The following SLC25A21 variants were observed in gnomAD, a reference collection of about 807,000 sequenced individuals.
SLC25A21 encodes solute carrier family 25 member 21, also known as mitochondrial 2-oxodicarboxylate carrier.
Under a neutral mutation model 43.8 loss-of-function variants are expected in SLC25A21, and 47 were observed. The ratio of observed to expected loss-of-function variants is 1.07; its 90% confidence interval spans 0.85 to 1.37. The LOEUF (loss-of-function observed/expected upper bound fraction) is 1.37, where lower values mean the gene tolerates loss of function less well. SLC25A21 is among the 40% of genes most tolerant of loss of function. SLC25A21 has a pLI of 0.00. For missense variants in SLC25A21, 352 were observed against 350.2 expected (o/e 1.00, Z -0.04); for synonymous variants, 131 against 121.3 (o/e 1.08, Z -0.52).
At chr14:37,086,129 A>AT (rs1555346139) in intron 1 of SLC25A21, among the ~76,000 whole-genome samples, 1 of 152,036 alleles carries the variant, frequency 6.6e-6, no homozygotes, top group Non-Finnish European at 1.5e-5. Context: ...AACTTGACAA[A>AT]TTTTTATAGA....
At chr14:37,151,430 T>A (rs143198499) in intron 1 of SLC25A21, among the ~76,000 whole-genome samples, 28 of 152,354 alleles carry the variant, frequency 1.8e-4, no homozygotes, top group African/African-American at 6.3e-4. Flanking sequence ...GAGAATTTCA[T>A]ACTTAAGCTA....
chr14:36,982,066 A>G (rs1308979178), intron 1 of SLC25A21, among the ~76,000 whole-genome samples: 1 of 152,210 alleles, frequency 6.6e-6, no homozygotes, highest in Non-Finnish European at 1.5e-5. Flanking sequence ...ATATAGTCAA[A>G]TATCTGGGAA....
chr14:36,999,775 T>A (rs951085210), intron 1 of SLC25A21, among the ~76,000 whole-genome samples: 1 of 152,086 alleles, frequency 6.6e-6, no homozygotes, highest in Non-Finnish European at 1.5e-5. Flanking sequence ...CAAAGACAAC[T>A]GAAAAGTTGG....
At chr14:36,741,098 CCCT>C (rs1334791040) in intron 3 of SLC25A21, among the ~76,000 whole-genome samples, 7 of 151,932 alleles carry the variant, frequency 4.6e-5, no homozygotes, top group Non-Finnish European at 1.0e-4. Flanking sequence ...TCCTGTCTGC[CCCT>C]CCTTTTACCC....
At chr14:36,859,567 G>C (rs1413693754) in intron 2 of SLC25A21, among the ~76,000 whole-genome samples, 1 of 152,126 alleles carries the variant, frequency 6.6e-6, no homozygotes, top group Non-Finnish European at 1.5e-5. Flanking sequence ...CAATGAACAG[G>C]ACTGGGAGAG....
intron 3 of SLC25A21, among the ~76,000 whole-genome samples, chr14:36,783,324 G>GT (rs1327492461): frequency 1.3e-5 from 2 of 152,062 alleles, no homozygotes; most frequent in Non-Finnish European, 2.9e-5. Context: ...TGGTCCACAG[G>GT]TGAGGTGTAC....
intron 1 of SLC25A21, among the ~76,000 whole-genome samples, chr14:36,993,090 C>T (rs1020795236): frequency 6.6e-6 from 1 of 152,140 alleles, no homozygotes; most frequent in South Asian, 2.1e-4. Context: ...ATTGCTTTTA[C>T]GTTTTTCTGT....
intron 1 of SLC25A21, among the ~76,000 whole-genome samples, chr14:36,875,918 C>T (rs1172848365): frequency 6.6e-6 from 1 of 152,076 alleles, no homozygotes; most frequent in Non-Finnish European, 1.5e-5. Context: ...TAGTAGTCAT[C>T]ATTATGGTAT....
intron 1 of SLC25A21, among the ~76,000 whole-genome samples, chr14:37,124,922 C>T (rs1594805278): frequency 6.6e-6 from 1 of 152,314 alleles, no homozygotes; most frequent in East Asian, 1.9e-4. Flanking sequence ...CTCCCTGAGG[C>T]CTCCCCAGAA....
intron 1 of SLC25A21, among the ~76,000 whole-genome samples, chr14:37,134,614 T>C (rs2138910692): frequency 7.0e-6 from 1 of 143,664 alleles, no homozygotes; most frequent in African/African-American, 2.6e-5. Context: ...CACTGCACTC[T>C]AGCCGCCTGG....
chr14:36,894,755 G>A (rs1891187544), intron 1 of SLC25A21, among the ~76,000 whole-genome samples: 3 of 152,094 alleles, frequency 2.0e-5, no homozygotes, highest in Admixed American at 2.0e-4. Context: ...AAGAAGCATT[G>A]TTGAATTTTG....
chr14:36,909,091 T>C (rs769191556), intron 1 of SLC25A21, among the ~76,000 whole-genome samples: 4 of 151,958 alleles, frequency 2.6e-5, no homozygotes, highest in Non-Finnish European at 4.4e-5. Flanking sequence ...GAAGGATGCA[T>C]TGGAAGAATG....
chr14:36,723,821 C>T (rs977142067), intron 6 of SLC25A21, among the ~76,000 whole-genome samples: 1 of 152,172 alleles, frequency 6.6e-6, no homozygotes, highest in African/African-American at 2.4e-5. Context: ...GATGCTCTGT[C>T]CCATTTGAGT....
At position 37,012,763 on chromosome 14, in the gene SLC25A21, A is replaced by T. The variant is rs914683708; in HGVS notation, c.71-137759T>A. Among the ~76,000 whole-genome samples, 5 of 152,198 alleles carry T rather than the reference A, an allele frequency of 3.3e-5. No homozygotes were observed. In the East Asian group the frequency reaches 5.8e-4, roughly 18 times the overall value. ...ACTCAATTTTCATAATAGATCAAAC[A>T]CTTAGGACACTCAGTGTAGAACAAC... On this transcript the variant is annotated intron_variant, in intron 1 of 9. Coordinates refer to ENST00000331299, the MANE Select transcript of SLC25A21 (RefSeq NM_030631.4).
intron 1 of SLC25A21, among the ~76,000 whole-genome samples, chr14:37,078,405 A>G (rs2138834966): frequency 6.6e-6 from 1 of 152,214 alleles, no homozygotes; most frequent in Non-Finnish European, 1.5e-5. Context: ...AACTTGGATG[A>G]TACGTCAGGA....
intron 1 of SLC25A21, among the ~76,000 whole-genome samples, chr14:36,963,076 A>AT (rs1959532372): frequency 6.6e-6 from 1 of 152,072 alleles, no homozygotes; most frequent in African/African-American, 2.4e-5. Flanking sequence ...ATTATTCCAT[A>AT]TTTTTTTGAG....
intron 1 of SLC25A21, among the ~76,000 whole-genome samples, chr14:37,021,387 T>C (rs1960982135): frequency 6.6e-6 from 1 of 151,962 alleles, no homozygotes; most frequent in Non-Finnish European, 1.5e-5. Flanking sequence ...CCACTTTTCT[T>C]TTTCTCAGGG....
At chr14:36,992,289 T>C (rs983839408) in intron 1 of SLC25A21, among the ~76,000 whole-genome samples, 1 of 151,598 alleles carries the variant, frequency 6.6e-6, no homozygotes, top group Non-Finnish European at 1.5e-5. Flanking sequence ...ACCTGTGTAG[T>C]CTCAGCTACT....
At chr14:36,805,377 A>T (rs564249690) in intron 3 of SLC25A21, among the ~76,000 whole-genome samples, 4 of 152,228 alleles carry the variant, frequency 2.6e-5, no homozygotes, top group Admixed American at 2.6e-4. Context: ...AAACCATTTT[A>T]AAGGTCACTC....
Sources: gnomAD v4.1 joint callset for allele counts (sites outside exome capture counted in the v4.1 genomes callset) on GRCh38, gnomAD v4.1.1 for gene constraint, MANE v1.5 for transcripts, NCBI Gene and HGNC (gene_info 2026-07-23, HGNC 2026-07-21) for gene names.